RALYL: variants seen among roughly 807,000 people sequenced by gnomAD.
RALYL encodes RNA-binding Raly-like protein.
RALYL carries 29 observed loss-of-function variants against 35.1 expected under a neutral mutation model. The observed-to-expected ratio is 0.83, with a 90% confidence interval of 0.61 to 1.13. The LOEUF (loss-of-function observed/expected upper bound fraction) is 1.13, where lower values mean the gene tolerates loss of function less well. Among genes scored for constraint, RALYL ranks in the 50% most tolerant of loss-of-function variants. The probability of loss-of-function intolerance (pLI) is 0.00; values close to 1 mark genes in which losing one functional copy is unlikely to be tolerated. For missense variants in RALYL, 359 were observed against 360.4 expected, an observed-to-expected ratio of 1.00 and a Z score of 0.03; for synonymous variants, 120 against 127.6, an observed-to-expected ratio of 0.94 and a Z score of 0.40.
At chr8:84,694,544 G>T (rs1838747353) in intron 2 of RALYL, among the ~76,000 whole-genome samples, 1 of 151,734 alleles carries the variant, frequency 6.6e-6, no homozygotes, top group Non-Finnish European at 1.5e-5. Flanking sequence ...GCAATCTGTA[G>T]ATTCAATGAA....
intron 2 of RALYL, among the ~76,000 whole-genome samples, chr8:84,567,673 C>T (rs570392942): frequency 1.4e-3 from 207 of 149,302 alleles, no homozygotes; most frequent in African/African-American, 4.6e-3. Flanking sequence ...TACGAGTGAA[C>T]GTTGTTTTTT....
At chr8:84,381,714 A>G (rs1043261977) in intron 1 of RALYL, among the ~76,000 whole-genome samples, 8 of 151,838 alleles carry the variant, frequency 5.3e-5, no homozygotes, top group African/African-American at 1.9e-4. Flanking sequence ...CCTAGTTACT[A>G]AGTCAGTTAA....
At chr8:84,401,174 G>A (rs16912788) in intron 1 of RALYL, among the ~76,000 whole-genome samples, 4,306 of 152,154 alleles carry the variant, frequency 0.028, 197 homozygotes, top group African/African-American at 0.098. Flanking sequence ...GTTATGTCAA[G>A]GGTGTCCATT....
intron 1 of RALYL, among the ~76,000 whole-genome samples, chr8:84,507,231 T>G (rs2057245809): frequency 6.6e-6 from 1 of 152,122 alleles, no homozygotes; most frequent in Non-Finnish European, 1.5e-5. Flanking sequence ...TATTTGTGCA[T>G]AAGTTTCTCT....
At chr8:84,656,042 A>G (rs1451129068) in intron 2 of RALYL, among the ~76,000 whole-genome samples, 1 of 152,228 alleles carries the variant, frequency 6.6e-6, no homozygotes, top group Non-Finnish European at 1.5e-5. Flanking sequence ...CATAATTTGC[A>G]TCTTTCTCAC....
intron 1 of RALYL, among the ~76,000 whole-genome samples, chr8:84,272,813 A>G (rs1834587218): frequency 1.3e-5 from 2 of 152,184 alleles, no homozygotes; most frequent in Non-Finnish European, 2.9e-5. Context: ...AGTTAATTAG[A>G]AAAAGTTGAC....
At chr8:84,706,647 C>T (rs1018828914) in intron 2 of RALYL, among the ~76,000 whole-genome samples, 1 of 152,004 alleles carries the variant, frequency 6.6e-6, no homozygotes, top group Non-Finnish European at 1.5e-5. Context: ...TGCAGTCTTC[C>T]CTAAAGGAAC....
chr8:84,195,251 T>A (rs1242302670), intron 1 of RALYL, among the ~76,000 whole-genome samples: 2 of 152,108 alleles, frequency 1.3e-5, no homozygotes, highest in African/African-American at 4.8e-5. Context: ...TGGGTCAACA[T>A]GGTGTGAAAC....
Position 84,618,452 on chromosome 8 carries a change from T to C in RALYL, c.256+88875T>C, listed in dbSNP as rs1207945394. ...ATTGGTGGTGATATCCCCTTTATCA[T>C]TTTTTATTGCGTCTATTTGATTCTT... On this transcript the variant is annotated intron_variant, in intron 2 of 8. Coordinates refer to ENST00000521268, the MANE Select transcript of RALYL (RefSeq NM_173848.7). Among the ~76,000 whole-genome samples, 5 of 150,278 alleles carry C rather than the reference T, an allele frequency of 3.3e-5. No homozygotes were observed. The South Asian group carries it at 8.4e-4, about 25-fold the overall frequency.
intron 4 of RALYL, among the ~76,000 whole-genome samples, chr8:84,843,855 C>T (rs900202254): frequency 3.9e-5 from 6 of 152,210 alleles, no homozygotes; most frequent in African/African-American, 1.2e-4. Context: ...CTGACAAAAA[C>T]AAGCAATGGG....
chr8:84,505,645 A>G (rs2057106151), intron 1 of RALYL, among the ~76,000 whole-genome samples: 1 of 151,754 alleles, frequency 6.6e-6, no homozygotes, highest in Non-Finnish European at 1.5e-5. Flanking sequence ...TAGGGTATGA[A>G]TGATTCCATC....
intron 1 of RALYL, among the ~76,000 whole-genome samples, chr8:84,197,149 A>G (rs867204445): frequency 1.3e-5 from 2 of 152,204 alleles, no homozygotes; most frequent in Middle Eastern, 3.2e-3. Context: ...ATTTAACACC[A>G]ATTGAATACC....
chr8:84,381,777 T>A (rs1230385910), intron 1 of RALYL, among the ~76,000 whole-genome samples: 1 of 151,854 alleles, frequency 6.6e-6, no homozygotes, highest in Non-Finnish European at 1.5e-5. Context: ...TAATATGGCC[T>A]GTTTACTTCT....
intron 1 of RALYL, among the ~76,000 whole-genome samples, chr8:84,274,559 G>A: frequency 6.6e-6 from 1 of 152,042 alleles, no homozygotes; most frequent in Non-Finnish European, 1.5e-5. Flanking sequence ...TCTTTTTTGG[G>A]CAATAAAGCA....
chr8:84,205,690 G>A (rs536429248), intron 1 of RALYL, among the ~76,000 whole-genome samples: 1 of 152,318 alleles, frequency 6.6e-6, no homozygotes, highest in African/African-American at 2.4e-5. Flanking sequence ...ATCTATCTTT[G>A]TAAATCTACC....
intron 2 of RALYL, among the ~76,000 whole-genome samples, chr8:84,725,870 G>T (rs1844856737): frequency 2.0e-5 from 3 of 151,504 alleles, no homozygotes; most frequent in South Asian, 4.1e-4. Flanking sequence ...ATGTATATAG[G>T]AGTCACAAAC....
intron 1 of RALYL, among the ~76,000 whole-genome samples, chr8:84,191,723 G>T (rs1050835136): frequency 2.6e-5 from 4 of 152,044 alleles, no homozygotes; most frequent in African/African-American, 7.2e-5. Context: ...TAAACGTTGA[G>T]TAAAGTAAAA....
intron 1 of RALYL, among the ~76,000 whole-genome samples, chr8:84,311,331 C>A (rs1842778491): frequency 6.6e-6 from 1 of 151,712 alleles, no homozygotes; most frequent in South Asian, 2.1e-4. Flanking sequence ...GAATGTTTTC[C>A]AGGCATATAA....
intron 1 of RALYL, among the ~76,000 whole-genome samples, chr8:84,311,090 A>AAAAAAATATATAT (rs1554614840): frequency 2.0e-5 from 2 of 99,720 alleles, no homozygotes; most frequent in East Asian, 3.5e-4. Flanking sequence ...AAAAAAAAAA[A>AAAAAAATATATAT]ATGTATATTA....
Sources: gnomAD v4.1 joint callset for allele counts (sites outside exome capture counted in the v4.1 genomes callset) on GRCh38, gnomAD v4.1.1 for gene constraint, MANE v1.5 for transcripts, NCBI Gene and HGNC (gene_info 2026-07-23, HGNC 2026-07-21) for gene names.